PDE3A: variants seen among roughly 807,000 people sequenced by gnomAD.
The protein encoded by PDE3A is phosphodiesterase 3A.
PDE3A carries 43 observed loss-of-function variants against 98.3 expected under a neutral mutation model. The ratio of observed to expected loss-of-function variants is 0.44; its 90% CI spans 0.34 to 0.56. The LOEUF (loss-of-function observed/expected upper bound fraction) is 0.56. Ranked by LOEUF, PDE3A falls within the 20% of genes least tolerant of loss-of-function variation. The pLI, the probability that PDE3A is intolerant of heterozygous loss-of-function variation, is 0.01. For synonymous variants in PDE3A, 663 were observed against 567.9 expected (o/e 1.17, Z -2.38); for missense variants, 1,427 against 1,440.7 (o/e 0.99, Z 0.15).
chr12:20,533,528 C>A (rs1471994892), intron 1 of PDE3A, among the ~76,000 whole-genome samples: 3 of 148,370 alleles, frequency 2.0e-5, no homozygotes, highest in African/African-American at 7.5e-5. Flanking sequence ...GTCACCCAGG[C>A]TGGAGTGCAG....
chr12:20,665,528 C>T (rs1945286726), intron 15 of PDE3A, among the ~76,000 whole-genome samples: 3 of 152,076 alleles, frequency 2.0e-5, no homozygotes, highest in Admixed American at 2.0e-4. Flanking sequence ...CCAAGGCTCC[C>T]TCACAGACCC....
chr12:20,530,779 C>T (rs1292967977), intron 1 of PDE3A, among the ~76,000 whole-genome samples: 1 of 152,116 alleles, frequency 6.6e-6, no homozygotes, highest in Non-Finnish European at 1.5e-5. Flanking sequence ...TCAAGTCCTC[C>T]TATAGGCCTC....
intron 1 of PDE3A, among the ~76,000 whole-genome samples, chr12:20,473,667 G>A (rs531603453): frequency 2.5e-3 from 379 of 151,932 alleles, no homozygotes; most frequent in Non-Finnish European, 3.0e-3. Context: ...TCCATAGCAT[G>A]GATCTCTTAA....
rs780060751 is a variant in PDE3A, at chr12:20,653,978, T to C, written c.2957T>C (p.Ile986Thr). ...GDEEASLGLP[I>T]SPFMDRSAPQ... ...GAAGAGGCCAGCCTTGGATTACCCA[T>C]AAGCCCCTTCATGGATCGTTCTGCT... The change falls in exon 15 of 16, where the codon ATA (isoleucine) becomes ACA (threonine). Residue 986 changes from isoleucine to threonine, a missense_variant. Physicochemically the swap from Ile to Thr is moderately conservative, Grantham distance 89. Coordinates refer to ENST00000359062, the MANE Select transcript of PDE3A (RefSeq NM_000921.5). 3.7e-6 allele frequency: 6 copies of C among 1,614,058 alleles called. No homozygotes were observed. The highest frequency in any genetic ancestry group is 3.3e-5 in the Admixed American group (2 of 60,008).
chr12:20,543,318 A>G (rs148786004), intron 1 of PDE3A, among the ~76,000 whole-genome samples: 19 of 151,952 alleles, frequency 1.3e-4, no homozygotes, highest in Non-Finnish European at 2.2e-4. Context: ...TGTGTTTCCA[A>G]CTAACAAATA....
intron 15 of PDE3A, among the ~76,000 whole-genome samples, chr12:20,661,218 G>T (rs571719468): frequency 6.6e-6 from 1 of 152,192 alleles, no homozygotes; most frequent in East Asian, 1.9e-4. Flanking sequence ...GATGATTTAC[G>T]GTATCTGGTG....
chr12:20,399,826 A>G (rs1944087135), intron 1 of PDE3A, among the ~76,000 whole-genome samples: 2 of 152,222 alleles, frequency 1.3e-5, no homozygotes, highest in Admixed American at 6.5e-5. Flanking sequence ...GTTGTTAAGG[A>G]TGGTGTAACC....
intron 2 of PDE3A, among the ~76,000 whole-genome samples, chr12:20,586,178 G>C (rs1943192645): frequency 6.6e-6 from 1 of 152,158 alleles, no homozygotes; most frequent in African/African-American, 2.4e-5. Context: ...AATCTGTTAA[G>C]AAGAAACCAC....
At chr12:20,396,133 A>C (rs1025896791) in intron 1 of PDE3A, among the ~76,000 whole-genome samples, 1 of 152,180 alleles carries the variant, frequency 6.6e-6, no homozygotes, top group African/African-American at 2.4e-5. Context: ...TTTAGAAAAC[A>C]AGTATTATAA....
At chr12:20,420,985 C>A (rs1944502786) in intron 1 of PDE3A, among the ~76,000 whole-genome samples, 1 of 151,866 alleles carries the variant, frequency 6.6e-6, no homozygotes, top group East Asian at 1.9e-4. Flanking sequence ...AGAACAGGAC[C>A]AAAAAGTAGT....
At chr12:20,450,383 T>C (rs983468348) in intron 1 of PDE3A, among the ~76,000 whole-genome samples, 1 of 152,178 alleles carries the variant, frequency 6.6e-6, no homozygotes, top group Non-Finnish European at 1.5e-5. Context: ...AAAGAGGTTG[T>C]AAAAGAGACA....
At position 20,465,029 on chromosome 12, in the gene PDE3A, G is replaced by A. The variant is rs147342126; in HGVS notation, c.961-91631G>A. On this transcript the variant is annotated intron_variant, in intron 1 of 15. Transcript: ENST00000359062. ...TAAAAATGAAATTAGAAGTTTAGCC[G>A]TTGTGCATAACTCCTGTGTTTTAAG... 5.5e-3 allele frequency among the ~76,000 whole-genome samples: 843 copies of A among 152,166 alleles called. 4 individuals are homozygous for A. The highest frequency in any genetic ancestry group is 0.017 in the Middle Eastern group (5 of 292).
intron 1 of PDE3A, among the ~76,000 whole-genome samples, chr12:20,510,152 A>G (rs753956348): frequency 6.6e-6 from 1 of 152,046 alleles, no homozygotes; most frequent in African/African-American, 2.4e-5. Flanking sequence ...ATTTTCTTCT[A>G]AATTTTTTCA....
chr12:20,510,943 A>G (rs950681780), intron 1 of PDE3A, among the ~76,000 whole-genome samples: 1 of 152,064 alleles, frequency 6.6e-6, no homozygotes, highest in East Asian at 1.9e-4. Context: ...GACTAGAAGA[A>G]GCAACCAAAA....
intron 1 of PDE3A, among the ~76,000 whole-genome samples, chr12:20,547,328 C>T (rs1014341699): frequency 1.3e-5 from 2 of 152,080 alleles, no homozygotes; most frequent in African/African-American, 2.4e-5. Flanking sequence ...TTATCTTCTT[C>T]CTTCACTAAA....
intron 15 of PDE3A, 110 bp from the exon 16 acceptor site, chr12:20,679,912 TATAATATA>T (rs1328901158): frequency 7.5e-5 from 12 of 161,012 alleles, no homozygotes; most frequent in East Asian, 4.4e-4. Flanking sequence ...TATAATATAA[TATAATATA>T]ATAAGGTTAT....
intron 2 of PDE3A, among the ~76,000 whole-genome samples, chr12:20,584,217 A>G (rs535844712): frequency 6.6e-6 from 1 of 152,350 alleles, no homozygotes; most frequent in African/African-American, 2.4e-5. Context: ...AGTCTGAAAT[A>G]TTAGTTCATT....
intron 1 of PDE3A, among the ~76,000 whole-genome samples, chr12:20,531,468 T>C (rs1941596393): frequency 6.6e-6 from 1 of 152,150 alleles, no homozygotes; most frequent in African/African-American, 2.4e-5. Flanking sequence ...CTCACAATCA[T>C]TATATTAGAT....
chr12:20,630,158 A>G (rs1417327596), intron 6 of PDE3A, 31 bp downstream of exon 6: 15 of 1,465,168 alleles, frequency 1.0e-5, no homozygotes, highest in Non-Finnish European at 1.4e-5. Flanking sequence ...GAAGTTTAAT[A>G]ATAAAAACGA....
Sources: gnomAD v4.1 joint callset for allele counts (sites outside exome capture counted in the v4.1 genomes callset) on GRCh38, gnomAD v4.1.1 for gene constraint, MANE v1.5 for transcripts, NCBI Gene and HGNC (gene_info 2026-07-23, HGNC 2026-07-21) for gene names.